Variants in C20orf96 observed in about 807,000 individuals in gnomAD.
The protein encoded by C20orf96 is uncharacterized protein C20orf96.
C20orf96 carries 57 observed loss-of-function variants against 52.6 expected under a neutral mutation model. The observed-to-expected ratio is 1.08, with a 90% CI of 0.88 to 1.35. The LOEUF is 1.35. C20orf96 is among the 40% of genes most tolerant of loss of function. The pLI is 0.00. For synonymous variants in C20orf96, 168 were observed against 157.2 expected (o/e 1.07, Z -0.51); for missense variants, 478 against 443.6 (o/e 1.08, Z -0.70).
rs1182027434 is a variant in C20orf96, at chr20:270,999, G to A, written c.*208C>T. 3 of 539,342 alleles carry A rather than the reference G, an allele frequency of 5.6e-6. No homozygotes were observed. The highest frequency in any genetic ancestry group is 3.5e-5 in the Admixed American group (1 of 28,312). 33.4% of individuals were successfully genotyped at this position (539,342 alleles called of 1,614,324 possible). ...CACAGGAAGAAAGAAAGGAGGGAGG[G>A]AGGGAGAGGAGGAAGGAAGGAGGAG... On this transcript the variant is annotated 3_prime_UTR_variant, in exon 11 of 11. Transcript: ENST00000360321.
chr20:275,477 A>C (rs1056351815), intron 10 of C20orf96, among the ~76,000 whole-genome samples: 3 of 152,218 alleles, frequency 2.0e-5, no homozygotes, highest in Non-Finnish European at 4.4e-5. Flanking sequence ...GTCATCAAGG[A>C]GAGGTAAGCC....
At chr20:278,557 G>A (rs1208184956) in intron 5 of C20orf96, 128 bp from the exon 6 acceptor site, 3 of 717,518 alleles carry the variant, frequency 4.2e-6, no homozygotes, top group Non-Finnish European at 5.1e-6. Flanking sequence ...GGCTAATCGG[G>A]ACAGTAACAG....
chr20:276,115 G>A (rs751409429), intron 9 of C20orf96, 29 bp from the exon 10 acceptor site: 3 of 1,602,000 alleles, frequency 1.9e-6, no homozygotes, highest in Non-Finnish European at 2.5e-6. Flanking sequence ...CAGGGGAGAA[G>A]GGAGAGGCAA....
intron 1 of C20orf96, 109 bp from the exon 2 acceptor site, chr20:290,416 G>A (rs1600193263): frequency 1.2e-5 from 18 of 1,553,952 alleles, no homozygotes; most frequent in East Asian, 2.4e-5. Context: ...GCAGTTTACC[G>A]GGGACAATAG....
At position 278,529 on chromosome 20, in the gene C20orf96, C is replaced by G. The variant is rs1289426076; in HGVS notation, c.466-100G>C. The G allele has an allele frequency of 8.5e-6, 7 of 827,300 alleles. No homozygotes were observed. In the East Asian group the frequency reaches 1.5e-4, roughly 17 times the overall value. The allele number at this position is 827,300 out of a possible 1,614,324, so 51.2% of individuals were successfully genotyped here. A position where few individuals can be genotyped will look rare whatever the true frequency, so the allele number is the denominator to read the frequency against. On this transcript the variant is annotated intron_variant, in intron 5 of 10. Coordinates refer to ENST00000360321, the MANE Select transcript of C20orf96 (RefSeq NM_153269.3). ...AGGAGTCCCCAGTCCCAACCTCACT[C>G]CCAGAAACCTGACCAGAGGCTAATC...
chr20:277,692 T>C (rs1433552419), intron 6 of C20orf96, among the ~76,000 whole-genome samples: 1 of 152,002 alleles, frequency 6.6e-6, no homozygotes, highest in Non-Finnish European at 1.5e-5. Context: ...CAGACTTCAG[T>C]CTCCTCAGAG....
At chr20:279,427 C>G (rs1007266613) in intron 4 of C20orf96, 97 bp from the exon 5 acceptor site, 1 of 1,344,972 alleles carries the variant, frequency 7.4e-7, no homozygotes, top group African/African-American at 1.6e-5. Flanking sequence ...CCGCCAGACG[C>G]CCGCCCCCGT....
Position 279,223 on chromosome 20 carries a change from G to A in C20orf96, c.414C>T (p.Asn138=), listed in dbSNP as rs753327652. ...GGGCCCGCACGTGCAGGGTCGTGCT[G>A]TTCTCCATCTCCTGGATGGTCTCGA... ...ELIETIQEME[N]STTLHVRALL... is the part of the protein sequence containing the mutation. The change falls in exon 5 of 11, where the codon AAC becomes AAT. Residue 138 remains asparagine, a synonymous_variant. Transcript: ENST00000360321. 2.5e-6 allele frequency: 4 copies of A among 1,610,372 alleles called. No homozygotes were observed. Among genetic ancestry groups the A allele is most frequent in the Non-Finnish European group, 3.4e-6 (4 of 1,179,090 alleles).
chr20:284,588 G>A (rs910908605), intron 3 of C20orf96, among the ~76,000 whole-genome samples: 1 of 152,256 alleles, frequency 6.6e-6, no homozygotes, highest in African/African-American at 2.4e-5. Context: ...AGGCATGGCG[G>A]CTCACGCCTG....
Position 270,963 on chromosome 20 carries a change from G to C in C20orf96, c.*244C>G, listed in dbSNP as rs117858420. The C allele has an allele frequency of 0.022, 11,126 of 508,920 alleles. 174 individuals are homozygous for C. Among genetic ancestry groups the C allele is most frequent in the Non-Finnish European group, 0.028 (8,041 of 290,550 alleles). The allele number at this position is 508,920 out of a possible 1,614,324, so 31.5% of individuals were successfully genotyped here. ...ACCAACCAGAAAGAAGGGAAGAAGA[G>C]AGGAAAAAACCACAGGAAGAAAGAA... On this transcript the variant is annotated 3_prime_UTR_variant, in exon 11 of 11. Coordinates refer to ENST00000360321, the MANE Select transcript of C20orf96 (RefSeq NM_153269.3).
intron 10 of C20orf96, among the ~76,000 whole-genome samples, chr20:271,479 C>T (rs76863237): frequency 0.036 from 5,031 of 138,820 alleles, 171 homozygotes; most frequent in African/African-American, 0.096. Flanking sequence ...CACACACACA[C>T]ATACACACAC....
chr20:290,619 A>C lies in C20orf96; in HGVS notation c.-9T>G, dbSNP rs201959502. 2.7e-5 allele frequency: 44 copies of C among 1,605,150 alleles called. No individual in the cohort carries two copies. The highest frequency in any genetic ancestry group is 3.3e-5 in the Non-Finnish European group (39 of 1,178,204). On this transcript the variant is annotated 5_prime_UTR_variant, in exon 1 of 11. Coordinates refer to ENST00000360321, the MANE Select transcript of C20orf96 (RefSeq NM_153269.3). ...TGTAAGACATGCGCCATTGGGGAAA[A>C]TGGAAGAGAAGTTGCGAGTCTGTGA...
chr20:280,915 G>A (rs1398975847), intron 4 of C20orf96, among the ~76,000 whole-genome samples: 3 of 152,172 alleles, frequency 2.0e-5, no homozygotes, highest in Non-Finnish European at 2.9e-5. Context: ...AACACTTTGC[G>A]AGGCCCAGAT....
chr20:290,198 G>A (rs985434203), intron 2 of C20orf96, 61 bp downstream of exon 2: 3 of 1,303,810 alleles, frequency 2.3e-6, no homozygotes, highest in East Asian at 2.3e-5. Flanking sequence ...TGAGAGTGGA[G>A]AGCAGGTGGA....
In C20orf96 at chr20:279,347, G is replaced by A. The variant is rs780107174; in HGVS notation, c.307-17C>T. On this transcript the variant is annotated splice_polypyrimidine_tract_variant and intron_variant, in intron 4 of 10. Coordinates refer to ENST00000360321, the MANE Select transcript of C20orf96 (RefSeq NM_153269.3). Reference sequence around the variant, plus strand: ...GAGCGAGGTCTGCGGGCGGAGGGAAGAGCAGAGAGGCGGCGCTGCGCCCTG... The same window carrying A: ...GAGCGAGGTCTGCGGGCGGAGGGAAAAGCAGAGAGGCGGCGCTGCGCCCTG... 26 of 1,598,764 alleles carry A rather than the reference G, an allele frequency of 1.6e-5. No homozygotes were observed. Among genetic ancestry groups the A allele is most frequent in the Non-Finnish European group, 2.1e-5 (25 of 1,178,358 alleles).
At chr20:271,445 C>CACACAG (rs2011836520) in intron 10 of C20orf96, among the ~76,000 whole-genome samples, 178 bp from the exon 11 acceptor site, 1 of 51,572 alleles carries the variant, frequency 1.9e-5, no homozygotes, top group African/African-American at 1.8e-4. Flanking sequence ...CACAAGCATA[C>CACACAG]ACACACACAC....
At chr20:276,969 G>A in intron 8 of C20orf96, 75 bp downstream of exon 8, 1 of 1,597,444 alleles carries the variant, frequency 6.3e-7, no homozygotes, top group Non-Finnish European at 8.6e-7. Context: ...TGGGCCTGGA[G>A]GCAGAGGATG....
chr20:281,556 A>G (rs535849634), intron 4 of C20orf96, among the ~76,000 whole-genome samples: 1 of 152,258 alleles, frequency 6.6e-6, no homozygotes, highest in Non-Finnish European at 1.5e-5. Context: ...CTCATATAAC[A>G]GTAATCATGC....
At chr20:288,867 A>G (rs1042324943) in intron 3 of C20orf96, among the ~76,000 whole-genome samples, 1 of 152,166 alleles carries the variant, frequency 6.6e-6, no homozygotes, top group Non-Finnish European at 1.5e-5. Context: ...TCTCACAACA[A>G]TCCTAGGTGG....
Sources: gnomAD v4.1 joint callset for allele counts (sites outside exome capture counted in the v4.1 genomes callset) on GRCh38, gnomAD v4.1.1 for gene constraint, MANE v1.5 for transcripts, NCBI Gene and HGNC (gene_info 2026-07-23, HGNC 2026-07-21) for gene names.